ARHGAP29: variants seen among roughly 807,000 people sequenced by gnomAD.
ARHGAP29 encodes the protein rho GTPase-activating protein 29.
A neutral mutation model predicts 122.6 loss-of-function variants in ARHGAP29; 43 were observed. The observed-to-expected ratio is 0.35, with a 90% CI of 0.27 to 0.45. The LOEUF is 0.45. Among genes scored for constraint, ARHGAP29 ranks in the 20% least tolerant of loss-of-function variants. ARHGAP29 has a pLI of 1.00. For missense variants in ARHGAP29, 1,303 were observed against 1,477.2 expected, an observed-to-expected ratio of 0.88 and a Z score of 1.93; for synonymous variants, 506 against 497.1, an observed-to-expected ratio of 1.02 and a Z score of -0.24.
At chr1:94,186,286 C>T (rs909382538) in intron 16 of ARHGAP29, among the ~76,000 whole-genome samples, 2 of 152,100 alleles carry the variant, frequency 1.3e-5, no homozygotes, top group Admixed American at 6.6e-5. Context: ...AGTTTTGCTG[C>T]CTATTCTTAT....
intron 2 of ARHGAP29, among the ~76,000 whole-genome samples, chr1:94,221,788 A>C (rs1652309237): frequency 6.6e-6 from 1 of 151,394 alleles, no homozygotes; most frequent in African/African-American, 2.4e-5. Context: ...GTTAGCTGAG[A>C]GGGCCTAAAA....
At position 94,185,187 on chromosome 1, in the gene ARHGAP29, T is replaced by G. The variant is rs568436330; in HGVS notation, c.1921-127A>C. On this transcript the variant is annotated intron_variant, in intron 17 of 22. Transcript: ENST00000260526. ...ATTACTTGCGCTATTTGAAACAGAT[T>G]TAACAACAAAATAAAATATAAAATT... 84 of 1,209,376 alleles carry G rather than the reference T, an allele frequency of 6.9e-5. 1 individual carries two copies. In the South Asian group the frequency reaches 1.4e-3, roughly 19 times the overall value. The allele number at this position is 1,209,376 out of a possible 1,614,324, so 74.9% of individuals were successfully genotyped here.
chr1:94,293,230 C>A, the ARHGAP29 span, among the ~76,000 whole-genome samples: 1 of 152,238 alleles, frequency 6.6e-6, no homozygotes, highest in Admixed American at 6.5e-5. Flanking sequence ...CCAGGTTGAT[C>A]TCAGACTGCT....
chr1:94,296,951 G>A, the ARHGAP29 span, among the ~76,000 whole-genome samples: 1 of 152,170 alleles, frequency 6.6e-6, no homozygotes, highest in African/African-American at 2.4e-5. Flanking sequence ...AGCTTTTTAT[G>A]GATTTCATTT....
At chr1:94,194,191 T>G (rs1468478244) in intron 12 of ARHGAP29, 1 of 152,252 alleles carries the variant, frequency 6.6e-6, no homozygotes, top group African/African-American at 2.4e-5. Context: ...CATGTTTTAA[T>G]GCATCTAGCA....
chr1:94,270,527 T>C (rs1654948488), intron 1 of ARHGAP29, among the ~76,000 whole-genome samples: 1 of 152,150 alleles, frequency 6.6e-6, no homozygotes, highest in African/African-American at 2.4e-5. Flanking sequence ...AAGATGAAAC[T>C]GGTACATTCA....
the ARHGAP29 span, among the ~76,000 whole-genome samples, chr1:94,284,954 T>A: frequency 6.6e-6 from 1 of 152,210 alleles, no homozygotes. Context: ...TAAGAGTTAT[T>A]AGGAGTACAA....
chr1:94,280,176 A>G, the ARHGAP29 span, among the ~76,000 whole-genome samples: 1 of 152,112 alleles, frequency 6.6e-6, no homozygotes, highest in African/African-American at 2.4e-5. Context: ...CACACTCATG[A>G]TGGCTAGCTT....
chr1:94,283,882 C>T, the ARHGAP29 span, among the ~76,000 whole-genome samples: 1 of 152,060 alleles, frequency 6.6e-6, no homozygotes, highest in African/African-American at 2.4e-5. Flanking sequence ...TTTATCGGTA[C>T]CCAGAGATTT....
intron 3 of ARHGAP29, among the ~76,000 whole-genome samples, chr1:94,219,288 C>T (rs1652139260): frequency 8.5e-6 from 1 of 117,140 alleles, no homozygotes; most frequent in African/African-American, 3.0e-5. Context: ...AGGTCCATCT[C>T]CCTACCTGTT....
chr1:94,275,979 C>T (rs935387945), upstream of ARHGAP29, among the ~76,000 whole-genome samples: 3 of 151,936 alleles, frequency 2.0e-5, no homozygotes, highest in East Asian at 3.9e-4. Flanking sequence ...GTTTTGGGGC[C>T]GGGATTGGTG....
the ARHGAP29 span, among the ~76,000 whole-genome samples, chr1:94,292,857 A>G: frequency 4.3e-4 from 66 of 152,188 alleles, no homozygotes; most frequent in Non-Finnish European, 8.7e-4. Context: ...ATCTGCCTGT[A>G]TGAGGTGTCT....
intron 7 of ARHGAP29, 35 bp from the exon 8 acceptor site, chr1:94,204,029 T>C (rs1291814681): frequency 6.4e-7 from 1 of 1,567,824 alleles, no homozygotes; most frequent in Non-Finnish European, 8.8e-7. Flanking sequence ...GAAGGTAAAA[T>C]CAATTTATTT....
chr1:94,293,010 T>C, the ARHGAP29 span, among the ~76,000 whole-genome samples: 1,626 of 152,276 alleles, frequency 0.011, 27 homozygotes, highest in African/African-American at 0.037. Context: ...GGCAGAGATG[T>C]TTAAGTCTGC....
chr1:94,206,604 A>G (rs1651207118), intron 5 of ARHGAP29, among the ~76,000 whole-genome samples: 2 of 152,154 alleles, frequency 1.3e-5, no homozygotes, highest in African/African-American at 2.4e-5. Context: ...ACTATTAAAC[A>G]TATTGCAACA....
At chr1:94,187,106 GA>G in intron 15 of ARHGAP29, among the ~76,000 whole-genome samples, 1 of 152,274 alleles carries the variant, frequency 6.6e-6, no homozygotes, top group Admixed American at 6.5e-5. Context: ...TGGGAACCAG[GA>G]ACAACAGCCC....
intron 2 of ARHGAP29, among the ~76,000 whole-genome samples, chr1:94,226,272 C>T (rs529472909): frequency 1.3e-5 from 2 of 152,020 alleles, no homozygotes; most frequent in African/African-American, 4.8e-5. Flanking sequence ...TGAGAAACAG[C>T]AATTTACTTT....
intron 3 of ARHGAP29, 46 bp from the exon 4 acceptor site, chr1:94,209,396 T>G: frequency 8.4e-7 from 1 of 1,188,164 alleles, no homozygotes; most frequent in Non-Finnish European, 1.2e-6. Flanking sequence ...TACTTTAAAC[T>G]AGATTTATAC....
chr1:94,209,456 A>T, intron 3 of ARHGAP29, 106 bp from the exon 4 acceptor site: 6 of 607,226 alleles, frequency 9.9e-6, no homozygotes, highest in Non-Finnish European at 1.6e-5. Flanking sequence ...GAAGCATTAG[A>T]AGATTCAGAA....
Sources: gnomAD v4.1 joint callset for allele counts (sites outside exome capture counted in the v4.1 genomes callset) on GRCh38, gnomAD v4.1.1 for gene constraint, MANE v1.5 for transcripts, NCBI Gene and HGNC (gene_info 2026-07-23, HGNC 2026-07-21) for gene names.